The following XKR9 variants were observed in gnomAD, a reference collection of about 807,000 sequenced individuals.
XKR9 encodes the protein XK related 9.
XKR9 carries 32 observed loss-of-function variants against 32.0 expected under a neutral mutation model. The observed-to-expected ratio is 1.00, with a 90% CI of 0.76 to 1.34. The LOEUF is 1.34. Among genes scored for constraint, XKR9 ranks in the 40% most tolerant of loss-of-function variants. The probability of loss-of-function intolerance (pLI) is 0.00; values close to 1 mark genes in which losing one functional copy is unlikely to be tolerated. For missense variants in XKR9, 546 were observed against 429.7 expected (o/e 1.27, Z -2.39); for synonymous variants, 168 against 143.4 (o/e 1.17, Z -1.22).
At chr8:70,788,024 G>C (rs897550580) in intron 2 of XKR9, among the ~76,000 whole-genome samples, 7 of 151,948 alleles carry the variant, frequency 4.6e-5, no homozygotes, top group South Asian at 2.1e-4. Context: ...CTAATATTTT[G>C]AATATCCAAA....
chr8:71,020,811 G>C, the XKR9 span, among the ~76,000 whole-genome samples: 1 of 152,098 alleles, frequency 6.6e-6, no homozygotes, highest in Admixed American at 6.5e-5. Flanking sequence ...ATACATTGTT[G>C]TTAACTATTA....
At chr8:70,798,669 G>T in the XKR9 span, among the ~76,000 whole-genome samples, 1 of 152,158 alleles carries the variant, frequency 6.6e-6, no homozygotes, top group South Asian at 2.1e-4. Flanking sequence ...ATCTTCCAGG[G>T]TTTGTATAAA....
intron 3 of XKR9, among the ~76,000 whole-genome samples, chr8:70,688,630 A>G (rs1005097588): frequency 7.9e-5 from 12 of 151,350 alleles, no homozygotes; most frequent in African/African-American, 2.7e-4. Flanking sequence ...GTTAGCCAGG[A>G]TGGTCTTGAT....
the XKR9 span, among the ~76,000 whole-genome samples, chr8:70,850,183 T>G: frequency 6.6e-6 from 1 of 151,864 alleles, no homozygotes. Flanking sequence ...ATTTTGAGGC[T>G]GGGCACGGTG....
the XKR9 span, among the ~76,000 whole-genome samples, chr8:70,857,596 T>A: frequency 6.6e-6 from 1 of 152,114 alleles, no homozygotes; most frequent in South Asian, 2.1e-4. Flanking sequence ...AAAGAGGGAA[T>A]CCTCCCTAAC....
At chr8:70,895,154 C>A in the XKR9 span, among the ~76,000 whole-genome samples, 3 of 152,078 alleles carry the variant, frequency 2.0e-5, no homozygotes, top group Non-Finnish European at 2.9e-5. Context: ...CTAGGCTCCC[C>A]TTGCTTACCT....
chr8:70,690,931 C>A (rs1819492461), intron 3 of XKR9, among the ~76,000 whole-genome samples: 1 of 152,024 alleles, frequency 6.6e-6, no homozygotes, highest in Non-Finnish European at 1.5e-5. Flanking sequence ...GGTATATACC[C>A]AGTAATGGAA....
At chr8:70,860,564 T>G in the XKR9 span, among the ~76,000 whole-genome samples, 1 of 152,116 alleles carries the variant, frequency 6.6e-6, no homozygotes, top group African/African-American at 2.4e-5. Context: ...TATAAATTAT[T>G]GATTAAGATT....
intron 4 of XKR9, among the ~76,000 whole-genome samples, chr8:70,721,056 C>A (rs1461477413): frequency 1.3e-5 from 2 of 152,152 alleles, no homozygotes; most frequent in African/African-American, 4.8e-5. Context: ...GGAATTTATC[C>A]ATTTCTTCAA....
At chr8:71,064,764 T>C in the XKR9 span, among the ~76,000 whole-genome samples, 1 of 152,166 alleles carries the variant, frequency 6.6e-6, no homozygotes, top group Non-Finnish European at 1.5e-5. Context: ...TTCCATTCTA[T>C]AGGGTTCAAG....
At chr8:70,845,756 A>G in the XKR9 span, among the ~76,000 whole-genome samples, 1 of 152,122 alleles carries the variant, frequency 6.6e-6, no homozygotes, top group Non-Finnish European at 1.5e-5. Context: ...AAAAACAAAC[A>G]AAACAAAGAA....
At chr8:70,767,134 C>T (rs1807387969) in intron 2 of XKR9, among the ~76,000 whole-genome samples, 1 of 152,082 alleles carries the variant, frequency 6.6e-6, no homozygotes, top group African/African-American at 2.4e-5. Context: ...AGGGAGGAGT[C>T]CCTCTTTTTC....
the XKR9 span, among the ~76,000 whole-genome samples, chr8:70,955,391 A>T: frequency 6.6e-6 from 1 of 152,194 alleles, no homozygotes; most frequent in Non-Finnish European, 1.5e-5. Flanking sequence ...GAGAAATGTC[A>T]TGATTTTTAA....
chr8:70,978,064 T>C, the XKR9 span, among the ~76,000 whole-genome samples: 1 of 152,148 alleles, frequency 6.6e-6, no homozygotes, highest in Admixed American at 6.5e-5. Flanking sequence ...CAACCCATGC[T>C]TTTTTTGCTT....
At chr8:70,910,100 A>G in the XKR9 span, among the ~76,000 whole-genome samples, 1 of 152,078 alleles carries the variant, frequency 6.6e-6, no homozygotes, top group African/African-American at 2.4e-5. Flanking sequence ...GTGGGGAAAA[A>G]AAAAAAAAGC....
At chr8:70,867,772 C>T in the XKR9 span, among the ~76,000 whole-genome samples, 6 of 152,182 alleles carry the variant, frequency 3.9e-5, no homozygotes, top group African/African-American at 1.2e-4. Context: ...AGTCTTAACT[C>T]ATTTCAGCAT....
intron 4 of XKR9, among the ~76,000 whole-genome samples, chr8:70,709,733 T>C (rs1403649851): frequency 8.5e-5 from 13 of 152,152 alleles, no homozygotes. Context: ...GCAAGAAATA[T>C]AGCCAGCCAG....
the XKR9 span, among the ~76,000 whole-genome samples, chr8:71,063,871 T>A: frequency 3.3e-5 from 5 of 152,214 alleles, no homozygotes; most frequent in Non-Finnish European, 7.4e-5. Flanking sequence ...TTAGGGTTGG[T>A]TCAGATTTAC....
the XKR9 span, among the ~76,000 whole-genome samples, chr8:70,896,357 T>C: frequency 6.6e-6 from 1 of 152,148 alleles, no homozygotes; most frequent in Admixed American, 6.5e-5. Context: ...GAAATATTTT[T>C]AATTTCTTTA....
Sources: allele counts gnomAD v4.1 joint callset (sites outside exome capture counted in the v4.1 genomes callset), GRCh38; gene constraint gnomAD v4.1.1; transcripts MANE v1.5; gene names NCBI Gene and HGNC (gene_info 2026-07-23, HGNC 2026-07-21).